Variants in RALGAPB observed in about 807,000 individuals in gnomAD.
RALGAPB encodes the protein Ral GTPase activating protein non-catalytic subunit beta.
Under a neutral mutation model 161.1 loss-of-function variants are expected in RALGAPB, and 25 were observed. The observed-to-expected ratio is 0.16, with a 90% CI of 0.11 to 0.22. The LOEUF (loss-of-function observed/expected upper bound fraction) is 0.22, where lower values mean the gene tolerates loss of function less well. Among genes scored for constraint, RALGAPB ranks in the 10% least tolerant of loss-of-function variants. RALGAPB has a pLI of 1.00. For missense variants in RALGAPB, 1,391 were observed against 1,815.2 expected (o/e 0.77, Z 4.25); for synonymous variants, 629 against 626.1 (o/e 1.00, Z -0.07).
chr20:38,478,835 C>T (rs1241731177), intron 1 of RALGAPB, among the ~76,000 whole-genome samples: 1 of 152,164 alleles, frequency 6.6e-6, no homozygotes, highest in South Asian at 2.1e-4. Flanking sequence ...AGGCTGGTCT[C>T]GAACTCCCGA....
At chr20:38,518,085 A>G (rs2086186237) in intron 9 of RALGAPB, 85 bp downstream of exon 9, 1 of 1,264,410 alleles carries the variant, frequency 7.9e-7, no homozygotes, top group African/African-American at 1.5e-5. Context: ...TGCAAGATTA[A>G]TATGTATCTT....
intron 17 of RALGAPB, 54 bp downstream of exon 17, chr20:38,540,012 A>G (rs2086920476): frequency 1.3e-6 from 2 of 1,499,912 alleles, no homozygotes; most frequent in South Asian, 1.2e-5. Context: ...TATGCTAGCA[A>G]AATGCCTTTT....
At position 38,510,971 on chromosome 20, in the gene RALGAPB, A is replaced by G. The variant is rs915737720; in HGVS notation, c.872+1763A>G. 4.6e-5 allele frequency among the ~76,000 whole-genome samples: 7 copies of G among 152,170 alleles called. No individual in the cohort carries two copies. The East Asian group carries it at 1.2e-3, about 25-fold the overall frequency. ...TGGAGTCAGGACTGGCTCTGCTCAC[A>G]TAGTCGTTCAGAGACCCAGCTGGCA... On this transcript the variant is annotated intron_variant, in intron 6 of 29. Coordinates refer to ENST00000262879, the MANE Select transcript of RALGAPB (RefSeq NM_020336.4).
chr20:38,517,181 G>A (rs898298858), intron 7 of RALGAPB, among the ~76,000 whole-genome samples: 15 of 152,226 alleles, frequency 9.9e-5, no homozygotes, highest in African/African-American at 3.1e-4. Flanking sequence ...GAAGGAAGGA[G>A]AGTCTGCATA....
At chr20:38,479,605 G>A (rs1197533591) in intron 1 of RALGAPB, among the ~76,000 whole-genome samples, 1 of 152,122 alleles carries the variant, frequency 6.6e-6, no homozygotes, top group Non-Finnish European at 1.5e-5. Flanking sequence ...GGAAATTAAG[G>A]GATCTGCAGG....
At chr20:38,569,748 A>C (rs571735897) in intron 26 of RALGAPB, 140 bp from the exon 27 acceptor site, 122 of 630,548 alleles carry the variant, frequency 1.9e-4, no homozygotes, top group Non-Finnish European at 3.2e-4. Context: ...AAATGTATAC[A>C]CTTTTTCCTA....
At chr20:38,566,309 A>G (rs1337546353) in intron 25 of RALGAPB, among the ~76,000 whole-genome samples, 1 of 152,120 alleles carries the variant, frequency 6.6e-6, no homozygotes, top group Non-Finnish European at 1.5e-5. Context: ...TTGAATTATA[A>G]CAGCTGTTGG....
At chr20:38,487,497 G>C (rs759292870) in intron 1 of RALGAPB, among the ~76,000 whole-genome samples, 7 of 152,178 alleles carry the variant, frequency 4.6e-5, no homozygotes, top group Non-Finnish European at 8.8e-5. Flanking sequence ...AAGTTTCATA[G>C]ATTCTAGAAG....
chr20:38,546,566 G>A, intron 19 of RALGAPB, 136 bp downstream of exon 19: 1 of 1,230,468 alleles, frequency 8.1e-7, no homozygotes, highest in Non-Finnish European at 1.1e-6. Flanking sequence ...TGGGACAATA[G>A]CACCTGAAAA....
chr20:38,501,005 AAG>A (rs765391882), intron 5 of RALGAPB, among the ~76,000 whole-genome samples: 45 of 152,190 alleles, frequency 3.0e-4, no homozygotes, highest in Admixed American at 3.3e-4. Flanking sequence ...GGTTTAAGGA[AAG>A]AAGCCATGTC....
At chr20:38,513,372 C>A (rs958185685) in intron 6 of RALGAPB, among the ~76,000 whole-genome samples, 1 of 151,268 alleles carries the variant, frequency 6.6e-6, no homozygotes, top group South Asian at 2.1e-4. Context: ...GGTGTGGTGG[C>A]ACATGCCTGT....
chr20:38,568,267 A>C (rs1444688176), intron 26 of RALGAPB, among the ~76,000 whole-genome samples: 2 of 152,182 alleles, frequency 1.3e-5, no homozygotes, highest in Non-Finnish European at 2.9e-5. Context: ...AAAAACAAAA[A>C]AAAAACAAAG....
At chr20:38,478,651 T>TC (rs1430453370) in intron 1 of RALGAPB, among the ~76,000 whole-genome samples, 1 of 151,858 alleles carries the variant, frequency 6.6e-6, no homozygotes, top group Non-Finnish European at 1.5e-5. Context: ...AGTTTCGCTC[T>TC]TGTTGTTCAG....
chr20:38,478,830 G>A (rs1197787027), intron 1 of RALGAPB, among the ~76,000 whole-genome samples: 1 of 152,042 alleles, frequency 6.6e-6, no homozygotes, highest in Non-Finnish European at 1.5e-5. Context: ...TGGTCAGGCT[G>A]GTCTCGAACT....
intron 16 of RALGAPB, among the ~76,000 whole-genome samples, chr20:38,538,757 C>G (rs1351448405): frequency 6.6e-6 from 1 of 152,160 alleles, no homozygotes; most frequent in African/African-American, 2.4e-5. Context: ...ATATAAAAGA[C>G]TGGTCATACC....
At position 38,575,711 on chromosome 20, in the gene RALGAPB, T is replaced by C. The variant is rs1471960114; in HGVS notation, c.*744T>C. On this transcript the variant is annotated 3_prime_UTR_variant, in exon 30 of 30. Transcript: ENST00000262879. ...ATAAAGTTTGTGGGGTTAAAAGTTA[T>C]AAGACAGCAGTGATACCCCACTCTC... is the stretch of plus-strand genomic sequence containing the variant. 2.0e-5 allele frequency: 3 copies of C among 152,244 alleles called. No homozygotes were observed. Among genetic ancestry groups the C allele is most frequent in the African/African-American group, 2.4e-5 (1 of 41,434 alleles). 9.4% of individuals were successfully genotyped at this position (152,244 alleles called of 1,614,324 possible). A position where few individuals can be genotyped will look rare whatever the true frequency, so the allele number is the denominator to read the frequency against.
chr20:38,532,752 A>G lies in RALGAPB; in HGVS notation c.2138A>G (p.Lys713Arg), dbSNP rs1347540482. The change falls in exon 15 of 30, where the codon AAG becomes AGG. Residue 713 changes from lysine to arginine, a missense_variant. Physicochemically the swap from Lys to Arg is conservative, Grantham distance 26 (BLOSUM62 2). Transcript: ENST00000262879. Reference sequence around the variant, plus strand: ...TAGGGTGGTGGAGAAAATAACCTGAAGAGTCATAGTCGCACCAATAGTGGT... The same window carrying G: ...TAGGGTGGTGGAGAAAATAACCTGAGGAGTCATAGTCGCACCAATAGTGGT... Reference protein sequence around the residue: ...MEMGGGENNLKSHSRTNSGIS... With the variant: ...MEMGGGENNLRSHSRTNSGIS... 6.2e-7 allele frequency: 1 copy of G among 1,613,858 alleles called. No individual in the cohort carries two copies. Among genetic ancestry groups the G allele is most frequent in the African/African-American group, 1.3e-5 (1 of 74,932 alleles).
chr20:38,552,361 G>A (rs775589545), intron 21 of RALGAPB, among the ~76,000 whole-genome samples: 3 of 152,148 alleles, frequency 2.0e-5, no homozygotes, highest in South Asian at 2.1e-4. Context: ...AGCCGGTCTC[G>A]AACTCCTGAC....
chr20:38,543,505 C>A (rs2087047321), intron 18 of RALGAPB, among the ~76,000 whole-genome samples: 1 of 152,184 alleles, frequency 6.6e-6, no homozygotes, highest in Non-Finnish European at 1.5e-5. Context: ...CATCCTTAAG[C>A]ACAATTTTGA....
Sources: allele counts gnomAD v4.1 joint callset (sites outside exome capture counted in the v4.1 genomes callset), GRCh38; gene constraint gnomAD v4.1.1; transcripts MANE v1.5; gene names NCBI Gene and HGNC (gene_info 2026-07-23, HGNC 2026-07-21).